The following SNX2 variants were observed in gnomAD, a reference collection of about 807,000 sequenced individuals.
SNX2 encodes the protein sorting nexin-2.
A neutral mutation model predicts 69.9 loss-of-function variants in SNX2; 25 were observed. The ratio of observed to expected loss-of-function variants is 0.36; its 90% CI spans 0.26 to 0.50. The LOEUF (loss-of-function observed/expected upper bound fraction) is 0.50. SNX2 is among the 20% of genes least tolerant of loss of function. The pLI is 0.97. For missense variants in SNX2, 551 were observed against 613.3 expected (o/e 0.90, Z 1.07); for synonymous variants, 229 against 200.4 (o/e 1.14, Z -1.20).
chr5:122,806,671 A>G (rs945353981), intron 6 of SNX2, among the ~76,000 whole-genome samples: 1 of 152,302 alleles, frequency 6.6e-6, no homozygotes, highest in African/African-American at 2.4e-5. Context: ...TCTAAAAAGT[A>G]GAATGGATAG....
rs1193560879 is a variant in SNX2, at chr5:122,816,903, A to G, written c.799-12A>G. ...ACCGGTTTGTTTGCCCTTATTTGTC[A>G]TTCAATTCCAGCTGCCTAGAGCAGT... On this transcript the variant is annotated splice_polypyrimidine_tract_variant and intron_variant, in intron 8 of 14. Transcript: ENST00000379516. The G allele has an allele frequency of 6.4e-7, 1 of 1,566,764 alleles. No individual in the cohort carries two copies. Among genetic ancestry groups the G allele is most frequent in the East Asian group, 2.3e-5 (1 of 44,414 alleles).
chr5:122,802,154 T>C, intron 5 of SNX2, 30 bp downstream of exon 5: 1 of 1,589,760 alleles, frequency 6.3e-7, no homozygotes, highest in Non-Finnish European at 8.6e-7. Context: ...AAAAAAACTA[T>C]CGAGCCCTCA....
intron 7 of SNX2, 151 bp from the exon 8 acceptor site, chr5:122,815,745 G>T: frequency 2.4e-6 from 1 of 411,190 alleles, no homozygotes; most frequent in Non-Finnish European, 4.4e-6. Flanking sequence ...TTATTAAATT[G>T]CTGTAAGATT....
intron 7 of SNX2, among the ~76,000 whole-genome samples, chr5:122,814,753 T>TTTTTTGGTTTTTTTTG (rs1753864591): frequency 6.6e-6 from 1 of 151,010 alleles, no homozygotes; most frequent in Non-Finnish European, 1.5e-5. Context: ...GATAGCAGGT[T>TTTTTTGGTTTTTTTTG]TTTTTTTGTT....
upstream of SNX2, chr5:122,775,007 G>GGGCGGGGAGGCT (rs1752820685): frequency 8.1e-7 from 1 of 1,227,690 alleles, no homozygotes; most frequent in African/African-American, 1.6e-5. Context: ...GGCCGGCCGG[G>GGGCGGGGAGGCT]GGCGGGGAGG....
chr5:122,815,562 TA>T, intron 7 of SNX2: 1 of 162,680 alleles, frequency 6.1e-6, no homozygotes, highest in South Asian at 1.9e-4. Context: ...CACCCAAAGA[TA>T]AAATGATGCA....
intron 1 of SNX2, among the ~76,000 whole-genome samples, chr5:122,781,876 T>G (rs1177537416): frequency 1.3e-5 from 2 of 151,980 alleles, no homozygotes; most frequent in Non-Finnish European, 2.9e-5. Flanking sequence ...TATAAATATG[T>G]AAAAATAATA....
At chr5:122,789,479 A>ACG (rs1753176119) in intron 1 of SNX2, among the ~76,000 whole-genome samples, 1 of 98,264 alleles carries the variant, frequency 1.0e-5, no homozygotes, top group East Asian at 2.2e-4. Context: ...ACACGGACAC[A>ACG]CACACACACA....
chr5:122,816,962 G>A lies in SNX2; in HGVS notation c.846G>A (p.Leu282=), dbSNP rs1485054166. 7 of 1,613,828 alleles carry A rather than the reference G, an allele frequency of 4.3e-6. No individual in the cohort carries two copies. Among genetic ancestry groups the A allele is most frequent in the Non-Finnish European group, 5.9e-6 (7 of 1,179,812 alleles). ...AGGCTCTGAGTGGAGCAGGAATATT[G>A]AGGATGGTGAACAAGGCTGCCGACG... ...NTQALSGAGI[L]RMVNKAADAV... is the part of the protein sequence containing the mutation. The change falls in exon 9 of 15, where the codon TTG becomes TTA. Residue 282 remains leucine (L), a synonymous_variant. Coordinates refer to ENST00000379516, the MANE Select transcript of SNX2 (RefSeq NM_003100.4).
chr5:122,833,870 C>G lies in SNX2; in HGVS notation c.*4222C>G, dbSNP rs780903125. ...AAAAGCGACTCCTAGTTGTTACTCT[C>G]AAGGGCAGGTATAATTTATGTGCAA... On this transcript the variant is annotated 3_prime_UTR_variant, in exon 15 of 15. Transcript: ENST00000379516. The G allele has an allele frequency of 6.6e-6, 1 of 152,180 alleles. No individual in the cohort carries two copies. Among genetic ancestry groups the G allele is most frequent in the Non-Finnish European group, 1.5e-5 (1 of 68,028 alleles). The allele number at this position is 152,180 out of a possible 1,614,324, so 9.4% of individuals were successfully genotyped here.
At chr5:122,817,442 T>A in intron 10 of SNX2, 69 bp downstream of exon 10, 1 of 979,114 alleles carries the variant, frequency 1.0e-6, no homozygotes, top group Non-Finnish European at 1.5e-6. Flanking sequence ...TTAAATTTTA[T>A]GAAAATAAAT....
At chr5:122,785,177 G>C (rs1194970289) in intron 1 of SNX2, among the ~76,000 whole-genome samples, 4 of 150,760 alleles carry the variant, frequency 2.7e-5, no homozygotes, top group African/African-American at 9.7e-5. Context: ...TGCTTTCATT[G>C]ATTTTTTTCC....
Position 122,832,537 on chromosome 5 carries a change from T to G in SNX2, c.*2889T>G, listed in dbSNP as rs1384991330. ...TTTCATTGTTGCTACTCCTTAAACT[T>G]TTTTCTTTATTATCTAGATCTAGTA... On this transcript the variant is annotated 3_prime_UTR_variant, in exon 15 of 15. Coordinates refer to ENST00000379516, the MANE Select transcript of SNX2 (RefSeq NM_003100.4). 6.6e-6 allele frequency: 1 copy of G among 152,090 alleles called. No individual in the cohort carries two copies. The highest frequency in any genetic ancestry group is 1.5e-5 in the Non-Finnish European group (1 of 68,028). The allele number at this position is 152,090 out of a possible 1,614,324, so 9.4% of individuals were successfully genotyped here. A position where few individuals can be genotyped will look rare whatever the true frequency, so the allele number is the denominator to read the frequency against.
At position 122,829,553 on chromosome 5, in the gene SNX2, CAAA is replaced by C. The variant is rs369046293; in HGVS notation, c.1510-42_1510-40del. The C allele has an allele frequency of 1.1e-4, 162 of 1,509,096 alleles. 1 individual carries two copies. The African/African-American group carries it at 1.9e-3, about 18-fold the overall frequency. 93.5% of individuals were successfully genotyped at this position (1,509,096 alleles called of 1,614,324 possible). A position where few individuals can be genotyped will look rare whatever the true frequency, so the allele number is the denominator to read the frequency against. ...GTACAGGATATATGCATATAAATGA[CAAA>C]AAGGTAATGAGAATAACTTATATTT... On this transcript the variant is annotated intron_variant, in intron 14 of 14. Transcript: ENST00000379516.
intron 11 of SNX2, among the ~76,000 whole-genome samples, chr5:122,821,190 A>T (rs1754013676): frequency 6.6e-6 from 1 of 152,220 alleles, no homozygotes; most frequent in Non-Finnish European, 1.5e-5. Context: ...TAGTTCTAAT[A>T]GCTCAGCAAG....
intron 11 of SNX2, among the ~76,000 whole-genome samples, chr5:122,822,318 C>G (rs1429012219): frequency 6.6e-6 from 1 of 152,146 alleles, no homozygotes; most frequent in Non-Finnish European, 1.5e-5. Flanking sequence ...CTCTTGACCT[C>G]GTGATCTACT....
rs145882853 is a variant in SNX2 at position 122,819,262 on chromosome 5, T to C, written c.1212+239T>C. On this transcript the variant is annotated intron_variant, in intron 11 of 14. Transcript: ENST00000379516. ...AGATAAGATAGAAAACATTTATACATTTACTTATGTATTTGCTTATACAAG... is the reference window on the plus strand; with the variant it reads ...AGATAAGATAGAAAACATTTATACACTTACTTATGTATTTGCTTATACAAG... 4.0e-3 allele frequency among the ~76,000 whole-genome samples: 606 copies of C among 152,320 alleles called. 5 individuals are homozygous for C. The highest frequency in any genetic ancestry group is 0.014 in the South Asian group (66 of 4,832).
Position 122,831,913 on chromosome 5 carries a change from A to C in SNX2, c.*2265A>C, listed in dbSNP as rs1406497378. ...ATTTCCCTTGCCCACATTTACTAAA[A>C]GATGAGTGTGCTGGAAATTTCAAGT... is the stretch of plus-strand genomic sequence containing the variant. On this transcript the variant is annotated 3_prime_UTR_variant, in exon 15 of 15. Coordinates refer to ENST00000379516, the MANE Select transcript of SNX2 (RefSeq NM_003100.4). Among the ~76,000 whole-genome samples the C allele has an allele frequency of 6.6e-6, 1 of 152,238 alleles. No homozygotes were observed. Among genetic ancestry groups the C allele is most frequent in the Non-Finnish European group, 1.5e-5 (1 of 68,040 alleles).
At chr5:122,796,498 A>G (rs1753381288) in intron 2 of SNX2, among the ~76,000 whole-genome samples, 1 of 152,196 alleles carries the variant, frequency 6.6e-6, no homozygotes, top group Non-Finnish European at 1.5e-5. Context: ...CCACCTAACA[A>G]CTTAGAGTCA....
Sources: allele counts gnomAD v4.1 joint callset (sites outside exome capture counted in the v4.1 genomes callset), GRCh38; gene constraint gnomAD v4.1.1; transcripts MANE v1.5; gene names NCBI Gene and HGNC (gene_info 2026-07-23, HGNC 2026-07-21).